The following SLIT3 variants were observed in gnomAD, a reference collection of about 807,000 sequenced individuals.
SLIT3 encodes slit guidance ligand 3.
Under a neutral mutation model 184.0 loss-of-function variants are expected in SLIT3, and 68 were observed. That is an observed-to-expected ratio of 0.37 (90% CI 0.30 to 0.45). The LOEUF (loss-of-function observed/expected upper bound fraction) is 0.45, where lower values mean the gene tolerates loss of function less well. Ranked by LOEUF, SLIT3 falls within the 20% of genes least tolerant of loss-of-function variation. The probability of loss-of-function intolerance (pLI) is 1.00; values close to 1 mark genes in which losing one functional copy is unlikely to be tolerated. For synonymous variants in SLIT3, 831 were observed against 828.6 expected, an observed-to-expected ratio of 1.00 and a Z score of -0.05; for missense variants, 1,707 against 2,026.0, an observed-to-expected ratio of 0.84 and a Z score of 3.02.
Position 168,702,675 on chromosome 5 carries a change from C to CGAT in SLIT3, c.2845-1999_2845-1997dup, listed in dbSNP as rs10596363. ...GTAATGGCAGCTCCATAAATAATAGCGATGATGATGATGATGATGATGATG... is the reference window on the plus strand; with the variant it reads ...GTAATGGCAGCTCCATAAATAATAGCGATGATGATGATGATGATGATGATGATG... On this transcript the variant is annotated intron_variant, in intron 26 of 35. Transcript: ENST00000519560. 9.5e-3 allele frequency among the ~76,000 whole-genome samples: 1,422 copies of CGAT among 149,592 alleles called. 18 individuals are homozygous for CGAT. The highest frequency in any genetic ancestry group is 0.028 in the African/African-American group (1,150 of 40,442).
At position 169,043,181 on chromosome 5, in the gene SLIT3, G is replaced by A. The variant is rs12653686; in HGVS notation, c.413+150298C>T. Among the ~76,000 whole-genome samples the A allele has an allele frequency of 4.6e-5, 7 of 152,052 alleles. No homozygotes were observed. In the East Asian group the frequency reaches 9.6e-4, roughly 21 times the overall value. On this transcript the variant is annotated intron_variant, in intron 4 of 35. Transcript: ENST00000519560. Reference sequence around the variant, plus strand: ...ACTAGAGAAAAAAAATGACTTGCCCGAGGTCATACAGCCAGCGCAGACCTG... The same window carrying A: ...ACTAGAGAAAAAAAATGACTTGCCCAAGGTCATACAGCCAGCGCAGACCTG...
At chr5:169,213,053 A>G (rs1764318327) in intron 3 of SLIT3, among the ~76,000 whole-genome samples, 1 of 152,004 alleles carries the variant, frequency 6.6e-6, no homozygotes, top group Admixed American at 6.6e-5. Context: ...ATGATTGTAT[A>G]TTTAGAAAAC....
At chr5:169,096,995 G>A (rs893038568) in intron 4 of SLIT3, among the ~76,000 whole-genome samples, 1 of 152,158 alleles carries the variant, frequency 6.6e-6, no homozygotes, top group Admixed American at 6.5e-5. Context: ...AGTTCCTGGG[G>A]GTTGTAACAA....
rs557331622 is a variant in SLIT3 at position 169,054,389 on chromosome 5, G to A, written c.413+139090C>T. Among the ~76,000 whole-genome samples, 19 of 152,170 alleles carry A rather than the reference G, an allele frequency of 1.2e-4. No individual in the cohort carries two copies. In the South Asian group the frequency reaches 3.7e-3, roughly 30 times the overall value. The stretch of plus-strand genomic sequence containing the variant: ...CTGGCCCTGTCCACACCTGGATTTT[G>A]GACTTCTATCCTGCAGAACTGTGAG... On this transcript the variant is annotated intron_variant, in intron 4 of 35. Coordinates refer to ENST00000519560, the MANE Select transcript of SLIT3 (RefSeq NM_003062.4).
chr5:168,814,870 T>C (rs1757281241), intron 8 of SLIT3, among the ~76,000 whole-genome samples: 1 of 152,220 alleles, frequency 6.6e-6, no homozygotes. Flanking sequence ...GGATGTTCAC[T>C]GCACCAGGGC....
At chr5:169,287,427 G>T (rs1477375671) in intron 1 of SLIT3, among the ~76,000 whole-genome samples, 1 of 152,088 alleles carries the variant, frequency 6.6e-6, no homozygotes. Context: ...TAGCTTCCCA[G>T]ATTGGCAGAG....
chr5:168,713,991 T>G (rs922468937), intron 23 of SLIT3, among the ~76,000 whole-genome samples: 20 of 152,208 alleles, frequency 1.3e-4, no homozygotes, highest in African/African-American at 4.6e-4. Context: ...TTAGTTACCC[T>G]CCATTGATAT....
intron 4 of SLIT3, among the ~76,000 whole-genome samples, chr5:169,009,164 A>G (rs1271392776): frequency 6.6e-6 from 1 of 152,162 alleles, no homozygotes; most frequent in Non-Finnish European, 1.5e-5. Flanking sequence ...GCAAGTGCAC[A>G]TGGTCCTTGA....
chr5:168,750,219 G>C (rs115207232), intron 18 of SLIT3, among the ~76,000 whole-genome samples: 1 of 152,142 alleles, frequency 6.6e-6, no homozygotes, highest in Non-Finnish European at 1.5e-5. Flanking sequence ...TGTCATCACA[G>C]GCACTTTATA....
At chr5:168,687,852 T>C (rs1761793108) in intron 29 of SLIT3, among the ~76,000 whole-genome samples, 1 of 152,234 alleles carries the variant, frequency 6.6e-6, no homozygotes, top group Non-Finnish European at 1.5e-5. Context: ...TCTTCTGCCT[T>C]AATAAGTGGC....
rs1410263412 is a variant in SLIT3, at chr5:168,700,592, C to A, written c.2932G>T (p.Asp978Tyr). 1.9e-6 allele frequency: 3 copies of A among 1,613,608 alleles called. No individual in the cohort carries two copies. The highest frequency in any genetic ancestry group is 2.7e-5 in the African/African-American group (2 of 74,916). Residue 978 changes from aspartate (D) to tyrosine (Y), a missense_variant, in exon 27 of 36, where the codon GAT becomes TAT. By Grantham distance (160) the Asp-to-Tyr change is radical. This residue lies in a region of SLIT3 where 1,307 missense variants were observed against 1,511.6 expected (regional missense o/e 0.86). Transcript: ENST00000519560. Reference protein sequence around the residue: ...GTCHLSDSHKDGFSCSCPLGF... With the variant: ...GTCHLSDSHKYGFSCSCPLGF... ...GGGGTGAACTGTTACCTGAACCCAT[C>A]CTTGTGGCTGTCACTCAGGTGGCAG...
intron 4 of SLIT3, among the ~76,000 whole-genome samples, chr5:169,177,352 T>C (rs950160644): frequency 1.3e-5 from 2 of 152,178 alleles, no homozygotes; most frequent in African/African-American, 4.8e-5. Context: ...CTAAGTGAAC[T>C]AGGACCAAAG....
Position 168,666,317 on chromosome 5 carries a change from T to C in SLIT3, c.*137A>G. ...GTTCTATTTTTTGTTTATTTTACAA[T>C]ATACTTAATATTCTCTTCTTCTTTA... On this transcript the variant is annotated 3_prime_UTR_variant, in exon 36 of 36. Coordinates refer to ENST00000519560, the MANE Select transcript of SLIT3 (RefSeq NM_003062.4). The C allele has an allele frequency of 1.3e-6, 1 of 762,784 alleles. No homozygotes were observed. Among genetic ancestry groups the C allele is most frequent in the Non-Finnish European group, 1.9e-6 (1 of 519,186 alleles). 47.3% of individuals were successfully genotyped at this position (762,784 alleles called of 1,614,324 possible).
At chr5:169,231,970 G>C (rs1765020065) in intron 3 of SLIT3, among the ~76,000 whole-genome samples, 1 of 152,134 alleles carries the variant, frequency 6.6e-6, no homozygotes, top group African/African-American at 2.4e-5. Context: ...CTTTTGCGAA[G>C]TGTCCAAAAC....
intron 4 of SLIT3, among the ~76,000 whole-genome samples, chr5:168,947,767 A>G (rs1466997852): frequency 6.6e-6 from 1 of 152,036 alleles, no homozygotes; most frequent in Non-Finnish European, 1.5e-5. Flanking sequence ...CCTGAAAGGT[A>G]GTTTTTTTGT....
rs564835437 is a variant in SLIT3 at position 168,746,521 on chromosome 5, G to A, written c.2270+1781C>T. On this transcript the variant is annotated intron_variant, in intron 20 of 35. Coordinates refer to ENST00000519560, the MANE Select transcript of SLIT3 (RefSeq NM_003062.4). ...GTGTGTGGTGTGTGAGTGTGGTGGCGTGGGTGTGGCGGTGTGTGGTGGTGT... is the reference window on the plus strand; with the variant it reads ...GTGTGTGGTGTGTGAGTGTGGTGGCATGGGTGTGGCGGTGTGTGGTGGTGT... 1.2e-3 allele frequency among the ~76,000 whole-genome samples: 149 copies of A among 126,530 alleles called. 1 individual carries two copies. The highest frequency in any genetic ancestry group is 2.2e-3 in the South Asian group (7 of 3,224). The allele number at this position is 126,530 out of a possible 152,430, so 83.0% of individuals were successfully genotyped here. A position where few individuals can be genotyped will look rare whatever the true frequency, so the allele number is the denominator to read the frequency against.
At chr5:169,040,339 A>T (rs975268042) in intron 4 of SLIT3, among the ~76,000 whole-genome samples, 1 of 152,272 alleles carries the variant, frequency 6.6e-6, no homozygotes, top group African/African-American at 2.4e-5. Flanking sequence ...AGGCTAAGTT[A>T]TCTTAACAGT....
At chr5:169,222,094 G>A (rs947007177) in intron 3 of SLIT3, among the ~76,000 whole-genome samples, 2 of 152,212 alleles carry the variant, frequency 1.3e-5, no homozygotes, top group South Asian at 2.1e-4. Context: ...GGTCCTTGGG[G>A]ATGTGTGTTG....
intron 3 of SLIT3, among the ~76,000 whole-genome samples, chr5:169,223,462 T>C (rs866970795): frequency 6.6e-6 from 1 of 152,214 alleles, no homozygotes; most frequent in Non-Finnish European, 1.5e-5. Flanking sequence ...GTAGGTGTCC[T>C]GCCAAGTCAA....
Sources: allele counts gnomAD v4.1 joint callset (sites outside exome capture counted in the v4.1 genomes callset), GRCh38; gene constraint gnomAD v4.1.1; regional missense constraint gnomAD v4.1.1; transcripts MANE v1.5; gene names NCBI Gene and HGNC (gene_info 2026-07-23, HGNC 2026-07-21).